Variants in EFNA5 observed in about 807,000 individuals in gnomAD.
EFNA5 encodes ephrin A5.
A neutral mutation model predicts 22.9 loss-of-function variants in EFNA5; 5 were observed. That is an observed-to-expected ratio of 0.22 (90% CI 0.11 to 0.46). The LOEUF (loss-of-function observed/expected upper bound fraction) is 0.46. Ranked by LOEUF, EFNA5 falls within the 20% of genes least tolerant of loss-of-function variation. The pLI is 0.99. For synonymous variants in EFNA5, 113 were observed against 112.2 expected (o/e 1.01, Z -0.04); for missense variants, 237 against 293.3 (o/e 0.81, Z 1.40).
chr5:107,527,163 G>A (rs1317957593), intron 1 of EFNA5, among the ~76,000 whole-genome samples: 1 of 152,026 alleles, frequency 6.6e-6, no homozygotes, highest in Non-Finnish European at 1.5e-5. Flanking sequence ...AACATCCCAT[G>A]TTCTTGTTTT....
chr5:107,476,022 C>A (rs1026930184), intron 1 of EFNA5, among the ~76,000 whole-genome samples: 2 of 45,680 alleles, frequency 4.4e-5, no homozygotes, highest in Non-Finnish European at 7.6e-5. Context: ...TGGAAGATAC[C>A]AAGGTGGCTT....
chr5:107,395,841 A>C (rs1747910161), intron 2 of EFNA5, among the ~76,000 whole-genome samples: 1 of 152,234 alleles, frequency 6.6e-6, no homozygotes, highest in Non-Finnish European at 1.5e-5. Context: ...GCCCCATAAT[A>C]ACCATAATAA....
At position 107,517,902 on chromosome 5, in the gene EFNA5, T is replaced by C. The variant is rs1030023816; in HGVS notation, c.126-90393A>G. Among the ~76,000 whole-genome samples, 7 of 152,280 alleles carry C rather than the reference T, an allele frequency of 4.6e-5. 1 individual carries two copies. In the South Asian group the frequency reaches 6.2e-4, roughly 14 times the overall value. ...CTCAATTGTCAGGGTCAAAGTAGAA[T>C]TGGGTTGGGTTGATTGGTATATCTT... On this transcript the variant is annotated intron_variant, in intron 1 of 4. Coordinates refer to ENST00000333274, the MANE Select transcript of EFNA5 (RefSeq NM_001962.3).
At chr5:107,449,861 T>C (rs1168187676) in intron 1 of EFNA5, among the ~76,000 whole-genome samples, 1 of 152,202 alleles carries the variant, frequency 6.6e-6, no homozygotes, top group Non-Finnish European at 1.5e-5. Flanking sequence ...ATGAGATGCC[T>C]TAAGTGCAGG....
chr5:107,511,550 A>C (rs1464782493), intron 1 of EFNA5, among the ~76,000 whole-genome samples: 1 of 152,184 alleles, frequency 6.6e-6, no homozygotes, highest in Admixed American at 6.5e-5. Context: ...AAATACACTG[A>C]TTTTGTAAAT....
intron 1 of EFNA5, among the ~76,000 whole-genome samples, chr5:107,529,006 T>A (rs1229176690): frequency 6.6e-6 from 1 of 152,192 alleles, no homozygotes; most frequent in Non-Finnish European, 1.5e-5. Flanking sequence ...TTTGTGTACA[T>A]GTATTTGCTT....
At chr5:107,630,043 G>A (rs114251444) in intron 1 of EFNA5, among the ~76,000 whole-genome samples, 172 of 150,022 alleles carry the variant, frequency 1.1e-3, no homozygotes, top group African/African-American at 3.8e-3. Flanking sequence ...GCAACAAAGC[G>A]TGACTCCATC....
At chr5:107,573,624 C>T (rs1382548394) in intron 1 of EFNA5, among the ~76,000 whole-genome samples, 2 of 152,042 alleles carry the variant, frequency 1.3e-5, no homozygotes, top group East Asian at 1.9e-4. Context: ...AATACAACAG[C>T]GGCTTTTATT....
chr5:107,440,023 C>T (rs1288998357), intron 1 of EFNA5, among the ~76,000 whole-genome samples: 1 of 152,152 alleles, frequency 6.6e-6, no homozygotes, highest in Non-Finnish European at 1.5e-5. Context: ...TTCAGTTCAT[C>T]ACATAAAAAT....
At chr5:107,612,779 G>C (rs1328940380) in intron 1 of EFNA5, among the ~76,000 whole-genome samples, 1 of 152,010 alleles carries the variant, frequency 6.6e-6, no homozygotes, top group Non-Finnish European at 1.5e-5. Context: ...CCTACTTAAT[G>C]AACTGCTGAG....
At chr5:107,648,513 T>C (rs1395918691) in intron 1 of EFNA5, among the ~76,000 whole-genome samples, 1 of 152,170 alleles carries the variant, frequency 6.6e-6, no homozygotes, top group Non-Finnish European at 1.5e-5. Context: ...TGAAAACATT[T>C]TATTCTAGGC....
chr5:107,644,967 C>T (rs921180195), intron 1 of EFNA5, among the ~76,000 whole-genome samples: 8 of 152,196 alleles, frequency 5.3e-5, no homozygotes, highest in Admixed American at 3.3e-4. Context: ...TCTCAAAGTG[C>T]TGGGATTACA....
chr5:107,513,595 G>A (rs1313762275), intron 1 of EFNA5, among the ~76,000 whole-genome samples: 1 of 152,056 alleles, frequency 6.6e-6, no homozygotes, highest in East Asian at 1.9e-4. Flanking sequence ...ATAGGACACC[G>A]ACACCCCACC....
chr5:107,411,072 C>T (rs1216754813), intron 2 of EFNA5, among the ~76,000 whole-genome samples: 1 of 152,032 alleles, frequency 6.6e-6, no homozygotes, highest in African/African-American at 2.4e-5. Flanking sequence ...ACAGCTAAAC[C>T]TGCAAAAGCA....
rs1580483045 is a variant in EFNA5 at position 107,482,887 on chromosome 5, T to C, written c.126-55378A>G. 3.4e-5 allele frequency among the ~76,000 whole-genome samples: 5 copies of C among 144,968 alleles called. No individual in the cohort carries two copies. The South Asian group carries it at 6.7e-4, about 19-fold the overall frequency. On this transcript the variant is annotated intron_variant, in intron 1 of 4. Coordinates refer to ENST00000333274, the MANE Select transcript of EFNA5 (RefSeq NM_001962.3). ...CTCTCTCTCTATATATATATATATATATATATACATACATATATACACATA... is the reference window on the plus strand; with the variant it reads ...CTCTCTCTCTATATATATATATATACATATATACATACATATATACACATA...
chr5:107,481,055 T>C (rs1383692813), intron 1 of EFNA5, among the ~76,000 whole-genome samples: 1 of 152,224 alleles, frequency 6.6e-6, no homozygotes, highest in Non-Finnish European at 1.5e-5. Context: ...GCAGGCACTG[T>C]TCTAGGATCC....
chr5:107,598,725 G>A (rs1055412686), intron 1 of EFNA5, among the ~76,000 whole-genome samples: 1 of 151,882 alleles, frequency 6.6e-6, no homozygotes, highest in African/African-American at 2.4e-5. Context: ...TTTTGCTCAC[G>A]GCCAGTTATA....
chr5:107,387,341 C>A, intron 3 of EFNA5, 26 bp from the exon 4 acceptor site: 1 of 1,490,626 alleles, frequency 6.7e-7, no homozygotes, highest in South Asian at 1.2e-5. Flanking sequence ...AGATAACAGC[C>A]AAATATGTTA....
At chr5:107,388,228 A>C (rs899804302) in intron 2 of EFNA5, among the ~76,000 whole-genome samples, 6 of 152,214 alleles carry the variant, frequency 3.9e-5, no homozygotes, top group Non-Finnish European at 7.3e-5. Flanking sequence ...GGCAGACTTA[A>C]ACGTGACCTA....
Sources: allele counts gnomAD v4.1 joint callset (sites outside exome capture counted in the v4.1 genomes callset), GRCh38; gene constraint gnomAD v4.1.1; transcripts MANE v1.5; gene names NCBI Gene and HGNC (gene_info 2026-07-23, HGNC 2026-07-21).